SVIL: variants seen among roughly 807,000 people sequenced by gnomAD.
SVIL encodes the protein supervillin.
Under a neutral mutation model 240.4 loss-of-function variants are expected in SVIL, and 101 were observed. That is an observed-to-expected ratio of 0.42 (90% CI 0.36 to 0.50). The LOEUF (loss-of-function observed/expected upper bound fraction) is 0.50, where lower values mean the gene tolerates loss of function less well. Ranked by LOEUF, SVIL falls within the 20% of genes least tolerant of loss-of-function variation. The probability of loss-of-function intolerance (pLI) is 0.01; values close to 1 mark genes in which losing one functional copy is unlikely to be tolerated. For synonymous variants in SVIL, 999 were observed against 1,100.0 expected, an observed-to-expected ratio of 0.91 and a Z score of 1.82; for missense variants, 2,512 against 2,818.7, an observed-to-expected ratio of 0.89 and a Z score of 2.46.
rs1182124760 is a variant in SVIL at position 29,473,940 on chromosome 10, C to T, written c.5427G>A (p.Glu1809=). The T allele has an allele frequency of 1.2e-6, 2 of 1,614,086 alleles. No individual in the cohort carries two copies. The highest frequency in any genetic ancestry group is 1.7e-5 in the Admixed American group (1 of 60,020). The change falls in exon 30 of 38, where the codon GAG becomes GAA. Residue 1809 remains glutamate, a synonymous_variant. Transcript: ENST00000355867. ...GEHSVRAAGK[E]KCVYFFWQGR... ...CTTGCCAGAAGAAGTAGACGCACTT[C>T]TCTTTGCCGGCTGCCCTCACCGAGT...
intron 1 of SVIL, among the ~76,000 whole-genome samples, chr10:29,623,004 CAGTGTGTGTGCG>C (rs1957723027): frequency 6.6e-6 from 1 of 152,068 alleles, no homozygotes; most frequent in South Asian, 2.1e-4. Context: ...AAACTGTATC[CAGTGTGTGTGCG>C]AGTGTGTGTG....
In SVIL at chr10:29,524,419, T is replaced by G. The variant is rs61846562; in HGVS notation, c.2586+53A>C. On this transcript the variant is annotated intron_variant, in intron 14 of 37. Coordinates refer to ENST00000355867, the MANE Select transcript of SVIL (RefSeq NM_021738.3). ...TGACCTCAGAGGAATACTGCAGTGC[T>G]ATAATTTAAGAACACACACACACAA... 168,713 of 1,605,666 alleles carry G rather than the reference T, an allele frequency of 0.11. 12,055 individuals carry two copies. Among genetic ancestry groups the G allele is most frequent in the African/African-American group, 0.33 (24,739 of 74,778 alleles).
At chr10:29,669,521 ACT>A (rs1295251999) in intron 2 of SVIL, among the ~76,000 whole-genome samples, 2 of 152,136 alleles carry the variant, frequency 1.3e-5, no homozygotes, top group Non-Finnish European at 2.9e-5. Context: ...AGTTTTAAAG[ACT>A]CACTGTAGTT....
intron 20 of SVIL, among the ~76,000 whole-genome samples, chr10:29,493,941 G>A (rs762603249): frequency 6.6e-6 from 1 of 152,222 alleles, no homozygotes; most frequent in African/African-American, 2.4e-5. Context: ...TTGGGAGGCT[G>A]AGGCTGGGGG....
intron 3 of SVIL, among the ~76,000 whole-genome samples, chr10:29,651,854 A>G (rs1441622982): frequency 6.6e-6 from 1 of 152,168 alleles, no homozygotes; most frequent in Non-Finnish European, 1.5e-5. Flanking sequence ...AAACAAAGCA[A>G]AAAGAAACCC....
At chr10:29,725,273 C>T (rs1161811049) in intron 1 of SVIL, among the ~76,000 whole-genome samples, 1 of 152,014 alleles carries the variant, frequency 6.6e-6, no homozygotes, top group Non-Finnish European at 1.5e-5. Flanking sequence ...TCAAGGGTTC[C>T]TTTTGGAAAA....
rs1212542138 is a variant in SVIL, at chr10:29,508,847, T to C, written c.3516+3888A>G. 3.3e-5 allele frequency among the ~76,000 whole-genome samples: 5 copies of C among 152,220 alleles called. 1 individual carries two copies. Among genetic ancestry groups the C allele is most frequent in the Non-Finnish European group, 7.3e-5 (5 of 68,048 alleles). On this transcript the variant is annotated intron_variant, in intron 17 of 37. Coordinates refer to ENST00000355867, the MANE Select transcript of SVIL (RefSeq NM_021738.3). ...CACAGGGTTTTAATGGCCAAGTCTA[T>C]AAAGGGTTTTCACTTCTTGGAAAAT...
intron 1 of SVIL, among the ~76,000 whole-genome samples, chr10:29,726,468 C>T (rs1420327374): frequency 3.3e-5 from 5 of 152,054 alleles, no homozygotes; most frequent in Non-Finnish European, 5.9e-5. Context: ...TAACTGTGGC[C>T]GGGCACGGTG....
rs556449274 is a variant in SVIL at position 29,718,200 on chromosome 10, G to A, written c.-400+17551C>T. ...AATTAGCCAGGCGTGGTGGCACATC[G>A]CTGTAGATCCAGCTGCTCGGGAGGC... is the stretch of plus-strand genomic sequence containing the variant. On this transcript the variant is annotated intron_variant, in intron 1 of 35. Transcript: ENST00000375400. Among the ~76,000 whole-genome samples the A allele has an allele frequency of 1.3e-3, 204 of 151,794 alleles. 1 individual carries two copies. Among genetic ancestry groups the A allele is most frequent in the African/African-American group, 4.0e-3 (167 of 41,388 alleles).
At chr10:29,503,065 G>A (rs187214426) in intron 17 of SVIL, among the ~76,000 whole-genome samples, 2 of 152,240 alleles carry the variant, frequency 1.3e-5, no homozygotes, top group African/African-American at 4.8e-5. Context: ...TAGTTAAACT[G>A]TAAAGGAAGA....
At chr10:29,682,234 C>G (rs1173708356) in intron 2 of SVIL, among the ~76,000 whole-genome samples, 1 of 152,140 alleles carries the variant, frequency 6.6e-6, no homozygotes, top group African/African-American at 2.4e-5. Context: ...CTCCTCAGCC[C>G]TTTTGAGAGA....
intron 16 of SVIL, among the ~76,000 whole-genome samples, chr10:29,516,784 G>A (rs1950230999): frequency 6.6e-6 from 1 of 152,146 alleles, no homozygotes; most frequent in South Asian, 2.1e-4. Flanking sequence ...CCGGGGAAAC[G>A]GTGCCTCCTC....
chr10:29,708,967 A>T (rs1963096822), intron 1 of SVIL, among the ~76,000 whole-genome samples: 1 of 152,148 alleles, frequency 6.6e-6, no homozygotes, highest in Non-Finnish European at 1.5e-5. Flanking sequence ...TACAAAGATA[A>T]TGTTAGGGAA....
chr10:29,522,443 T>C lies in SVIL; in HGVS notation c.3356A>G (p.Asp1119Gly). The change falls in exon 16 of 38, where the codon GAC (aspartate) becomes GGC (glycine). Residue 1119 changes from aspartate to glycine, a missense_variant. Physicochemically the swap from Asp to Gly is moderately conservative, Grantham distance 94. Around this residue, in one of 3 missense-constraint regions of SVIL, gnomAD observed 1,443 missense variants for 1,486.6 expected, o/e 0.97. Coordinates refer to ENST00000355867, the MANE Select transcript of SVIL (RefSeq NM_021738.3). ...AATAGACATGGTTTTGCTGGGTGAG[T>C]CAAGAAGGCCCTCCCCTGTCGGCGT... Reference protein sequence around the residue: ...IKTPTGEGLLDSPSKTMSIKE... With the variant: ...IKTPTGEGLLGSPSKTMSIKE... 1 of 1,613,916 alleles carries C rather than the reference T, an allele frequency of 6.2e-7. No homozygotes were observed. Among genetic ancestry groups the C allele is most frequent in the Non-Finnish European group, 8.5e-7 (1 of 1,179,978 alleles).
intron 5 of SVIL, 28 bp from the exon 6 acceptor site, chr10:29,551,291 T>G: frequency 1.3e-6 from 2 of 1,544,752 alleles, no homozygotes; most frequent in Non-Finnish European, 1.7e-6. Context: ...GGATGAGAGG[T>G]GCAGATTTCA....
chr10:29,494,709 C>A (rs1948268951), intron 20 of SVIL, among the ~76,000 whole-genome samples: 1 of 152,090 alleles, frequency 6.6e-6, no homozygotes, highest in Admixed American at 6.5e-5. Context: ...TTCACAATTC[C>A]AATTGGATGG....
At chr10:29,651,674 A>T (rs1399013798) in intron 3 of SVIL, among the ~76,000 whole-genome samples, 1 of 143,632 alleles carries the variant, frequency 7.0e-6, no homozygotes, top group Non-Finnish European at 1.5e-5. Context: ...CTGCAGATTC[A>T]CCTATCATCT....
At chr10:29,723,598 G>C (rs1227698092) in intron 1 of SVIL, among the ~76,000 whole-genome samples, 1 of 152,018 alleles carries the variant, frequency 6.6e-6, no homozygotes, top group Admixed American at 6.6e-5. Flanking sequence ...AAATGAGGAA[G>C]AAGAAGGAAT....
At chr10:29,658,740 G>A (rs528907359) in intron 2 of SVIL, among the ~76,000 whole-genome samples, 26 of 152,258 alleles carry the variant, frequency 1.7e-4, no homozygotes, top group Admixed American at 1.6e-3. Flanking sequence ...TGGGCAACAA[G>A]GAAGACCCTG....
Sources: gnomAD v4.1 joint callset for allele counts (sites outside exome capture counted in the v4.1 genomes callset) on GRCh38, gnomAD v4.1.1 for gene constraint, gnomAD v4.1.1 regional missense constraint, MANE v1.5 for transcripts, NCBI Gene and HGNC (gene_info 2026-07-23, HGNC 2026-07-21) for gene names.